The following THSD7A variants were observed in gnomAD, a reference collection of about 807,000 sequenced individuals.
The protein encoded by THSD7A is thrombospondin type-1 domain-containing protein 7A.
In THSD7A, 96 loss-of-function variants were observed where a neutral mutation model predicts 231.3. That is an observed-to-expected ratio of 0.41 (90% CI 0.35 to 0.49). The LOEUF is 0.49. THSD7A is among the 20% of genes least tolerant of loss of function. The probability of loss-of-function intolerance (pLI) is 0.05; values close to 1 mark genes in which losing one functional copy is unlikely to be tolerated. For synonymous variants in THSD7A, 940 were observed against 743.3 expected, an observed-to-expected ratio of 1.26 and a Z score of -4.30; for missense variants, 2,290 against 2,070.2, an observed-to-expected ratio of 1.11 and a Z score of -2.06.
At chr7:11,433,290 T>C (rs1211172940) in intron 13 of THSD7A, among the ~76,000 whole-genome samples, 1 of 152,032 alleles carries the variant, frequency 6.6e-6, no homozygotes, top group Non-Finnish European at 1.5e-5. Flanking sequence ...CAAATGCCTT[T>C]TTTCCTACAG....
At position 11,499,936 on chromosome 7, in the gene THSD7A, G is replaced by T. The variant is rs141036364; in HGVS notation, c.1823-17954C>A. On this transcript the variant is annotated intron_variant, in intron 6 of 27. Coordinates refer to ENST00000423059, the MANE Select transcript of THSD7A (RefSeq NM_015204.3). ...TGAAAATTTCCCCAACCTTGCTAGA[G>T]AGGCCAACAGTCAAATTCAGGAAAT... is the stretch of plus-strand genomic sequence containing the variant. Among the ~76,000 whole-genome samples the T allele has an allele frequency of 5.8e-3, 884 of 152,276 alleles. 4 individuals are homozygous for T. Among genetic ancestry groups the T allele is most frequent in the Non-Finnish European group, 9.0e-3 (609 of 68,024 alleles).
rs900643246 is a variant in THSD7A at position 11,374,502 on chromosome 7, T to C, written c.*1292A>G. 1 of 152,212 alleles carries C rather than the reference T, an allele frequency of 6.6e-6. No homozygotes were observed. The highest frequency in any genetic ancestry group is 2.1e-4 in the South Asian group (1 of 4,832). 9.4% of individuals were successfully genotyped at this position (152,212 alleles called of 1,614,324 possible). ...GCAAGACAGACATTCAATCTGAAAC[T>C]GGGAAATCAGAGAGAAAGAAAAATC... On this transcript the variant is annotated 3_prime_UTR_variant, in exon 28 of 28. Transcript: ENST00000423059.
chr7:11,709,225 C>T (rs1358995485), intron 1 of THSD7A, among the ~76,000 whole-genome samples: 2 of 150,734 alleles, frequency 1.3e-5, no homozygotes, highest in East Asian at 3.9e-4. Context: ...TTCAATACAA[C>T]ATTTATCTTG....
intron 4 of THSD7A, among the ~76,000 whole-genome samples, chr7:11,559,052 C>T (rs1422291500): frequency 6.6e-6 from 1 of 152,082 alleles, no homozygotes; most frequent in East Asian, 1.9e-4. Context: ...GGAAAGAGGC[C>T]AGGAGCCAAG....
In THSD7A at chr7:11,832,058, A is replaced by T; in HGVS notation, c.-112T>A. 1.5e-6 allele frequency: 1 copy of T among 688,280 alleles called. No homozygotes were observed. Among genetic ancestry groups the T allele is most frequent in the Non-Finnish European group, 2.0e-6 (1 of 508,078 alleles). The allele number at this position is 688,280 out of a possible 1,614,324, so 42.6% of individuals were successfully genotyped here. The stretch of plus-strand genomic sequence containing the variant: ...ACAGAAAGCAAAGCTCTTTCCTGCT[A>T]TTGTTCGCTTCAGATGAGAAGGAGG... On this transcript the variant is annotated 5_prime_UTR_variant, in exon 1 of 28. Coordinates refer to ENST00000423059, the MANE Select transcript of THSD7A (RefSeq NM_015204.3).
chr7:11,674,960 G>A (rs977790445), intron 1 of THSD7A, among the ~76,000 whole-genome samples: 5 of 152,090 alleles, frequency 3.3e-5, no homozygotes, highest in Non-Finnish European at 5.9e-5. Context: ...TGTTAAGAAA[G>A]AACCAGATTC....
At chr7:11,572,355 C>A (rs1454218087) in intron 4 of THSD7A, among the ~76,000 whole-genome samples, 1 of 152,188 alleles carries the variant, frequency 6.6e-6, no homozygotes, top group African/African-American at 2.4e-5. Context: ...CTTCCTTTTG[C>A]AATCCTCAAT....
chr7:11,606,518 T>A (rs1487702551), intron 2 of THSD7A, among the ~76,000 whole-genome samples: 3 of 152,130 alleles, frequency 2.0e-5, no homozygotes, highest in Non-Finnish European at 2.9e-5. Context: ...TTTTAGCACT[T>A]AAGAATATAT....
At chr7:11,827,248 T>C (rs1036775107) in intron 1 of THSD7A, among the ~76,000 whole-genome samples, 4 of 152,168 alleles carry the variant, frequency 2.6e-5, no homozygotes, top group African/African-American at 9.6e-5. Flanking sequence ...AACATTGTAG[T>C]AGAGAGACTT....
chr7:11,748,909 G>T (rs1782405671), intron 1 of THSD7A, among the ~76,000 whole-genome samples: 1 of 151,892 alleles, frequency 6.6e-6, no homozygotes, highest in Admixed American at 6.6e-5. Context: ...TTGATCATAA[G>T]ATTTTTTGCA....
chr7:11,688,303 T>C (rs1369032949), intron 1 of THSD7A, among the ~76,000 whole-genome samples: 1 of 151,810 alleles, frequency 6.6e-6, no homozygotes, highest in Non-Finnish European at 1.5e-5. Flanking sequence ...ACAGTACTAA[T>C]GCCTGGGCGT....
chr7:11,548,811 A>G (rs1159475698), intron 4 of THSD7A, among the ~76,000 whole-genome samples: 1 of 151,482 alleles, frequency 6.6e-6, no homozygotes. Context: ...ACTTCATGTT[A>G]AAAACCATCA....
chr7:11,677,583 G>GAAAAAAA (rs1562467899), intron 1 of THSD7A, among the ~76,000 whole-genome samples: 1 of 7,028 alleles, frequency 1.4e-4, no homozygotes, highest in African/African-American at 9.7e-4. Context: ...CAAATGGAAA[G>GAAAAAAA]CAAAAAAAAA....
Position 11,590,177 on chromosome 7 carries a change from C to T in THSD7A, c.1453+283G>A, listed in dbSNP as rs1053957759. Reference sequence around the variant, plus strand: ...CAGATAAATTTTCGTCTAGTTTTTACATTATTCCTGCTAAACTTTGATGAA... The same window carrying T: ...CAGATAAATTTTCGTCTAGTTTTTATATTATTCCTGCTAAACTTTGATGAA... On this transcript the variant is annotated intron_variant, in intron 4 of 27. Coordinates refer to ENST00000423059, the MANE Select transcript of THSD7A (RefSeq NM_015204.3). The surrounding 1 kb of genome is among the most constrained non-coding windows in gnomAD (Gnocchi z 4.4). Among the ~76,000 whole-genome samples, 3 of 152,074 alleles carry T rather than the reference C, an allele frequency of 2.0e-5. No homozygotes were observed. Among genetic ancestry groups the T allele is most frequent in the African/African-American group, 7.2e-5 (3 of 41,398 alleles).
At chr7:11,490,320 C>A (rs1398417855) in intron 6 of THSD7A, among the ~76,000 whole-genome samples, 1 of 152,080 alleles carries the variant, frequency 6.6e-6, no homozygotes, top group Admixed American at 6.6e-5. Context: ...TTTGCATTTT[C>A]TTATTTCATT....
chr7:11,434,006 A>T (rs1784556347), intron 13 of THSD7A, among the ~76,000 whole-genome samples: 1 of 152,016 alleles, frequency 6.6e-6, no homozygotes, highest in South Asian at 2.1e-4. Context: ...TTATTTTCCA[A>T]TGTCTGACAA....
chr7:11,817,638 G>C (rs911678674), intron 1 of THSD7A, among the ~76,000 whole-genome samples: 1 of 152,186 alleles, frequency 6.6e-6, no homozygotes, highest in Non-Finnish European at 1.5e-5. Flanking sequence ...TAGGATTATA[G>C]CCAAGTAAGG....
intron 1 of THSD7A, among the ~76,000 whole-genome samples, chr7:11,802,575 G>GT: frequency 6.6e-6 from 1 of 152,266 alleles, no homozygotes; most frequent in South Asian, 2.1e-4. Context: ...CAGAGGTTGA[G>GT]TTAAGAGTGG....
intron 1 of THSD7A, among the ~76,000 whole-genome samples, chr7:11,641,696 G>T (rs1223789821): frequency 1.3e-5 from 2 of 150,638 alleles, no homozygotes; most frequent in Non-Finnish European, 3.0e-5. Flanking sequence ...ACAATAAAAT[G>T]CATGAAGGCA....
Sources: allele counts gnomAD v4.1 joint callset (sites outside exome capture counted in the v4.1 genomes callset), GRCh38; gene constraint gnomAD v4.1.1; non-coding constraint Gnocchi (gnomAD v3.1); transcripts MANE v1.5; gene names NCBI Gene and HGNC (gene_info 2026-07-23, HGNC 2026-07-21).